The following FREM1 variants were observed in gnomAD, a reference collection of about 807,000 sequenced individuals.
FREM1 encodes FRAS1-related extracellular matrix protein 1.
In FREM1, 220 loss-of-function variants were observed where a neutral mutation model predicts 210.1. That is an observed-to-expected ratio of 1.05 (90% CI 0.94 to 1.17). The LOEUF is 1.17. Among genes scored for constraint, FREM1 ranks in the 50% most tolerant of loss-of-function variants. The probability of loss-of-function intolerance (pLI) is 0.00; values close to 1 mark genes in which losing one functional copy is unlikely to be tolerated. For synonymous variants in FREM1, 1,189 were observed against 980.2 expected, an observed-to-expected ratio of 1.21 and a Z score of -3.98; for missense variants, 3,454 against 2,675.5, an observed-to-expected ratio of 1.29 and a Z score of -6.42.
chr9:14,748,524 A>G lies in FREM1; in HGVS notation c.5673T>C (p.His1891=). ...SSSSTTSGSF[H]LERRPLPSSM... ...AAGATGGAAGAGGTCTTCTTTCCAG[A>G]TGAAAGGAACCAGAAGTGGTGGATG... Residue 1891 remains histidine, a synonymous_variant, in exon 31 of 37, where the codon CAT becomes CAC. Coordinates refer to ENST00000380880, the MANE Select transcript of FREM1 (RefSeq NM_001379081.2). The G allele has an allele frequency of 6.2e-7, 1 of 1,613,836 alleles. No homozygotes were observed. The highest frequency in any genetic ancestry group is 1.3e-5 in the African/African-American group (1 of 75,024).
intron 6 of FREM1, among the ~76,000 whole-genome samples, chr9:14,849,747 T>C (rs971898198): frequency 6.6e-6 from 1 of 152,112 alleles, no homozygotes; most frequent in Non-Finnish European, 1.5e-5. Flanking sequence ...AACTGTGTGA[T>C]CTCCACTGAA....
At chr9:14,805,709 T>A (rs1818227132) in intron 18 of FREM1, among the ~76,000 whole-genome samples, 1 of 152,240 alleles carries the variant, frequency 6.6e-6, no homozygotes. Flanking sequence ...TGAGTAACAT[T>A]GAATGCAATT....
intron 10 of FREM1, among the ~76,000 whole-genome samples, chr9:14,828,705 A>G (rs1822975441): frequency 1.3e-5 from 2 of 151,840 alleles, no homozygotes. Context: ...TATGGAAATA[A>G]ATTTCTATTA....
intron 1 of FREM1, among the ~76,000 whole-genome samples, chr9:14,876,120 T>G (rs944912990): frequency 2.6e-5 from 4 of 151,896 alleles, no homozygotes; most frequent in African/African-American, 9.7e-5. Flanking sequence ...TGCTCGGGGG[T>G]CAGGGGTCAG....
Position 14,750,291 on chromosome 9 carries a change from C to T in FREM1, c.5408-15G>A, listed in dbSNP as rs747715973. 1.3e-6 allele frequency: 2 copies of T among 1,588,332 alleles called. No homozygotes were observed. Among genetic ancestry groups the T allele is most frequent in the Non-Finnish European group, 8.6e-7 (1 of 1,159,914 alleles). ...AGTTGACATTCCTACAAGAAGTAAA[C>T]ATTTTAATTACTCTTTAATTGCTAT... On this transcript the variant is annotated splice_polypyrimidine_tract_variant and intron_variant, in intron 29 of 36. Transcript: ENST00000380880.
chr9:14,808,261 T>C (rs999758495), intron 16 of FREM1, 127 bp from the exon 17 acceptor site: 2 of 576,084 alleles, frequency 3.5e-6, no homozygotes, highest in Middle Eastern at 3.0e-4. Flanking sequence ...ATAAAATAAA[T>C]GTAAAACCCA....
chr9:14,861,529 C>G (rs1432761934), intron 3 of FREM1, among the ~76,000 whole-genome samples: 1 of 118,154 alleles, frequency 8.5e-6, no homozygotes, highest in African/African-American at 3.3e-5. Context: ...TTTTTTGAGA[C>G]AGAGTCTCAC....
intron 16 of FREM1, among the ~76,000 whole-genome samples, chr9:14,811,090 A>G (rs1180202369): frequency 6.6e-6 from 1 of 152,210 alleles, no homozygotes; most frequent in East Asian, 1.9e-4. Context: ...AGGGCTGGGT[A>G]ACTACCAATT....
At chr9:14,875,619 A>T (rs112440124) in intron 1 of FREM1, among the ~76,000 whole-genome samples, 30,866 of 151,974 alleles carry the variant, frequency 0.2, 3,633 homozygotes, top group East Asian at 0.58. Flanking sequence ...CTTTGGTTTG[A>T]ATTTCCTCCT....
At chr9:14,853,589 T>C (rs1356158617) in intron 5 of FREM1, among the ~76,000 whole-genome samples, 1 of 152,098 alleles carries the variant, frequency 6.6e-6, no homozygotes, top group Non-Finnish European at 1.5e-5. Context: ...CCTGATCAAA[T>C]AAGATCCCTC....
At chr9:14,907,213 C>A (rs1303919720) in intron 1 of FREM1, among the ~76,000 whole-genome samples, 3 of 56,648 alleles carry the variant, frequency 5.3e-5, no homozygotes. Flanking sequence ...GCTATGTTGT[C>A]AAAAAGCACA....
rs772473766 is a variant in FREM1, at chr9:14,812,888, C to G, written c.2817G>C (p.Val939=). 1.2e-6 allele frequency: 2 copies of G among 1,613,894 alleles called. No individual in the cohort carries two copies. Among genetic ancestry groups the G allele is most frequent in the Non-Finnish European group, 1.7e-6 (2 of 1,179,850 alleles). ...GATCCACTGTGACTCCAGCTCTCCT[C>G]ACCACCCCATGCTGAGGTTCGCGAG... ...VIAREPQHGV[V]RRAGVTVDQF... The change falls in exon 16 of 37, where the codon GTG becomes GTC. Residue 939 remains valine (V), a synonymous_variant. Coordinates refer to ENST00000380880, the MANE Select transcript of FREM1 (RefSeq NM_001379081.2).
At chr9:14,774,226 C>T (rs1848128459) in intron 25 of FREM1, 1 of 505,856 alleles carries the variant, frequency 2.0e-6, no homozygotes, top group Non-Finnish European at 3.9e-6. Flanking sequence ...CATGTGTCAA[C>T]TTTGCAGGGT....
At chr9:14,824,172 C>G in intron 11 of FREM1, 57 bp from the exon 12 acceptor site, 2 of 1,070,730 alleles carry the variant, frequency 1.9e-6, no homozygotes, top group East Asian at 2.6e-5. Flanking sequence ...AAAATGAAAT[C>G]GAATAGCCCA....
intron 22 of FREM1, among the ~76,000 whole-genome samples, chr9:14,791,561 T>A (rs1017157730): frequency 6.6e-6 from 1 of 152,188 alleles, no homozygotes; most frequent in Non-Finnish European, 1.5e-5. Flanking sequence ...CATCTGAACC[T>A]AAACAATAAG....
intron 1 of FREM1, among the ~76,000 whole-genome samples, chr9:14,908,358 C>A (rs1818148239): frequency 6.6e-6 from 1 of 152,134 alleles, no homozygotes; most frequent in African/African-American, 2.4e-5. Flanking sequence ...GCCCAGCAGC[C>A]CCAGGAGGCT....
chr9:14,847,639 T>C lies in FREM1; in HGVS notation c.1261+1026A>G, dbSNP rs571212176. ...TGGTTATATCTTCACGGCGAAATAA[T>C]AATTTTAGATGCATTCTCCAAATTT... On this transcript the variant is annotated intron_variant, in intron 7 of 36. Transcript: ENST00000380880. 5.0e-4 allele frequency among the ~76,000 whole-genome samples: 76 copies of C among 152,244 alleles called. 3 individuals are homozygous for C. In the South Asian group the frequency reaches 0.015, roughly 31 times the overall value.
intron 25 of FREM1, among the ~76,000 whole-genome samples, chr9:14,774,555 C>G (rs1186299145): frequency 9.7e-6 from 1 of 102,776 alleles, no homozygotes; most frequent in Non-Finnish European, 2.2e-5. Flanking sequence ...CTCTCTCTCT[C>G]TCTCTCTCAG....
chr9:14,756,477 T>A, intron 28 of FREM1, 31 bp from the exon 29 acceptor site: 1 of 1,456,414 alleles, frequency 6.9e-7, no homozygotes, highest in Non-Finnish European at 9.4e-7. Context: ...CTTTTTAAGA[T>A]AAAAATAAAT....
Sources: gnomAD v4.1 joint callset for allele counts (sites outside exome capture counted in the v4.1 genomes callset) on GRCh38, gnomAD v4.1.1 for gene constraint, MANE v1.5 for transcripts, NCBI Gene and HGNC (gene_info 2026-07-23, HGNC 2026-07-21) for gene names.